Variants in KCNQ1 observed in about 807,000 individuals in gnomAD.
The protein encoded by KCNQ1 is potassium voltage-gated channel subfamily Q member 1.
Under a neutral mutation model 72.4 loss-of-function variants are expected in KCNQ1, and 49 were observed. The observed-to-expected ratio is 0.68, with a 90% CI of 0.54 to 0.86. The LOEUF is 0.86. Among genes scored for constraint, KCNQ1 ranks in the 40% least tolerant of loss-of-function variants. The pLI, the probability that KCNQ1 is intolerant of heterozygous loss-of-function variation, is 0.00. For synonymous variants in KCNQ1, 450 were observed against 412.6 expected, an observed-to-expected ratio of 1.09 and a Z score of -1.10; for missense variants, 790 against 945.1, an observed-to-expected ratio of 0.84 and a Z score of 2.15.
chr11:2,619,901 A>G lies in KCNQ1; in HGVS notation c.1393+31047A>G, dbSNP rs191008598. 144 of 398,168 alleles carry G rather than the reference A, an allele frequency of 3.6e-4. 1 individual carries two copies. The highest frequency in any genetic ancestry group is 2.8e-3 in the African/African-American group (137 of 48,602). The allele number at this position is 398,168 out of a possible 1,614,324, so 24.7% of individuals were successfully genotyped here. The stretch of plus-strand genomic sequence containing the variant: ...TTAGAGGGTATATGTACAGGTCTAT[A>G]TGTTGCATGGTATATGGAGTATACT... On this transcript the variant is annotated intron_variant, in intron 10 of 15. Transcript: ENST00000155840.
Position 2,783,331 on chromosome 11 carries a change from C to A in KCNQ1, c.1794+5294C>A, listed in dbSNP as rs1490213741. 6.6e-6 allele frequency among the ~76,000 whole-genome samples: 1 copy of A among 152,038 alleles called. No homozygotes were observed. The highest frequency in any genetic ancestry group is 1.5e-5 in the Non-Finnish European group (1 of 67,942). On this transcript the variant is annotated intron_variant, in intron 15 of 15. Transcript: ENST00000155840. This position sits in a 1 kb window ranked among gnomAD's most constrained non-coding sequence, Gnocchi z 5.2. ...GAAAGCAATCCATATGATATTAATC[C>A]TTTAGAATGTTTTGAAATATGATTT...
At position 2,661,421 on chromosome 11, in the gene KCNQ1, G is replaced by T. The variant is rs1305767647; in HGVS notation, c.1394-540G>T. ...GAGGGACTCCTGTGCCTCATTGGGG[G>T]TACAACTGGTTGATGTAGCATCGTG... On this transcript the variant is annotated intron_variant, in intron 10 of 15. Coordinates refer to ENST00000155840, the MANE Select transcript of KCNQ1 (RefSeq NM_000218.3). This position sits in a 1 kb window ranked among gnomAD's most constrained non-coding sequence, Gnocchi z 5.9. The T allele has an allele frequency of 4.7e-6, 2 of 422,462 alleles. No homozygotes were observed. Among genetic ancestry groups the T allele is most frequent in the African/African-American group, 2.0e-5 (1 of 49,282 alleles). 26.2% of individuals were successfully genotyped at this position (422,462 alleles called of 1,614,324 possible).
At chr11:2,755,626 T>C (rs1846287332) in intron 11 of KCNQ1, among the ~76,000 whole-genome samples, 2 of 152,228 alleles carry the variant, frequency 1.3e-5, no homozygotes, top group Non-Finnish European at 1.5e-5. Flanking sequence ...GATTTCCCCA[T>C]CTCAGTGTTC....
chr11:2,777,892 C>A, intron 14 of KCNQ1, 84 bp from the exon 15 acceptor site: 1 of 1,209,252 alleles, frequency 8.3e-7, no homozygotes, highest in Non-Finnish European at 1.2e-6. Context: ...TCCCCCAGCC[C>A]TACCACCCCA....
At chr11:2,819,937 A>G (rs1238004606) in intron 15 of KCNQ1, among the ~76,000 whole-genome samples, 1 of 152,218 alleles carries the variant, frequency 6.6e-6, no homozygotes, top group African/African-American at 2.4e-5. Context: ...CAATTATTCA[A>G]TTCCCTCGGT....
intron 10 of KCNQ1, chr11:2,614,830 C>A (rs964273310): frequency 2.0e-5 from 8 of 398,320 alleles, no homozygotes; most frequent in Non-Finnish European, 3.5e-5. Flanking sequence ...AGGCCTGAGT[C>A]TTCCAACTTT....
In KCNQ1 at chr11:2,566,504, T is replaced by C. The variant is rs1848250241; in HGVS notation, c.478-4124T>C. On this transcript the variant is annotated intron_variant, in intron 2 of 15. Coordinates refer to ENST00000155840, the MANE Select transcript of KCNQ1 (RefSeq NM_000218.3). The surrounding 1 kb of genome is among the most constrained non-coding windows in gnomAD (Gnocchi z 6.7). ...ATGTGAACAGAGGCCACCACCCCCA[T>C]TATGTGGGTCTGTGTTTGCTCTGTG... Among the ~76,000 whole-genome samples, 1 of 151,898 alleles carries C rather than the reference T, an allele frequency of 6.6e-6. No homozygotes were observed.
chr11:2,681,218 G>A, intron 11 of KCNQ1: 1 of 398,636 alleles, frequency 2.5e-6, no homozygotes, highest in Non-Finnish European at 4.4e-6. Context: ...TCTATGAAGA[G>A]TGGGTAGAAG....
At chr11:2,510,336 G>A (rs1377734095) in intron 1 of KCNQ1, among the ~76,000 whole-genome samples, 1 of 151,974 alleles carries the variant, frequency 6.6e-6, no homozygotes, top group Non-Finnish European at 1.5e-5. Context: ...GTTAGCTCAC[G>A]CCTGCAATCT....
Position 2,777,453 on chromosome 11 carries a change from G to C in KCNQ1, c.1732+421G>C, listed in dbSNP as rs965446203. On this transcript the variant is annotated intron_variant, in intron 14 of 15. Coordinates refer to ENST00000155840, the MANE Select transcript of KCNQ1 (RefSeq NM_000218.3). Reference sequence around the variant, plus strand: ...GGACAGAAGCACCTGGCTGCAGCCTGGGGGCTGGTTTTCTGGCTCCTTGAC... The same window carrying C: ...GGACAGAAGCACCTGGCTGCAGCCTCGGGGCTGGTTTTCTGGCTCCTTGAC... 3 of 529,146 alleles carry C rather than the reference G, an allele frequency of 5.7e-6. No homozygotes were observed. In the African/African-American group the frequency reaches 5.7e-5, roughly 10 times the overall value. The allele number at this position is 529,146 out of a possible 1,614,324, so 32.8% of individuals were successfully genotyped here.
At chr11:2,455,057 A>C (rs1384152215) in intron 1 of KCNQ1, among the ~76,000 whole-genome samples, 1 of 152,150 alleles carries the variant, frequency 6.6e-6, no homozygotes, top group Non-Finnish European at 1.5e-5. Context: ...TGGAACTGTA[A>C]GTGAAGTCTC....
In KCNQ1 at chr11:2,828,916, C is replaced by T. The variant is rs139503425; in HGVS notation, c.1795-18851C>T. 3.2e-4 allele frequency among the ~76,000 whole-genome samples: 49 copies of T among 152,284 alleles called. No individual in the cohort carries two copies. The East Asian group carries it at 5.6e-3, about 17-fold the overall frequency. ...CACACAAGAGAATAGAAAATCAAAACGGTATCCAATTTCTTAACAGCAATT... is the reference window on the plus strand; with the variant it reads ...CACACAAGAGAATAGAAAATCAAAATGGTATCCAATTTCTTAACAGCAATT... On this transcript the variant is annotated intron_variant, in intron 15 of 15. Transcript: ENST00000155840. The surrounding 1 kb of genome is among the most constrained non-coding windows in gnomAD (Gnocchi z 5.3).
At chr11:2,609,782 A>C (rs966369306) in intron 10 of KCNQ1, 3 of 390,852 alleles carry the variant, frequency 7.7e-6, no homozygotes, top group African/African-American at 6.6e-5. Flanking sequence ...ATTCATATTT[A>C]ACTTCAGTAA....
Position 2,848,484 on chromosome 11 carries a change from C to A in KCNQ1, c.*481C>A, listed in dbSNP as rs754424379. 2.2e-6 allele frequency: 1 copy of A among 457,674 alleles called. No homozygotes were observed. The highest frequency in any genetic ancestry group is 4.4e-6 in the Non-Finnish European group (1 of 229,236). 28.4% of individuals were successfully genotyped at this position (457,674 alleles called of 1,614,324 possible). A position where few individuals can be genotyped will look rare whatever the true frequency, so the allele number is the denominator to read the frequency against. ...CAGCCCACGCTGACTACAGGGCCGC[C>A]GGCAATAAAAGCCCAGGAGCCCATT... On this transcript the variant is annotated 3_prime_UTR_variant, in exon 16 of 16. Coordinates refer to ENST00000155840, the MANE Select transcript of KCNQ1 (RefSeq NM_000218.3).
intron 15 of KCNQ1, among the ~76,000 whole-genome samples, chr11:2,802,511 C>T (rs1220206399): frequency 6.6e-6 from 1 of 152,228 alleles, no homozygotes; most frequent in Non-Finnish European, 1.5e-5. Flanking sequence ...GGCCTTGGCT[C>T]AGTGCCCTCT....
intron 10 of KCNQ1, among the ~76,000 whole-genome samples, chr11:2,591,479 T>C (rs1848669433): frequency 6.6e-6 from 1 of 152,240 alleles, no homozygotes; most frequent in Admixed American, 6.5e-5. Flanking sequence ...CAATGCCCAG[T>C]GCCCCCACAG....
In KCNQ1 at chr11:2,808,830, GA is replaced by G. The variant is rs763909035; in HGVS notation, c.1794+30794del. On this transcript the variant is annotated intron_variant, in intron 15 of 15. Coordinates refer to ENST00000155840, the MANE Select transcript of KCNQ1 (RefSeq NM_000218.3). The surrounding 1 kb of genome is among the most constrained non-coding windows in gnomAD (Gnocchi z 6.0). ...AGATACATGGGCAGATTAATGGATG[GA>G]CAGATTGTTGTATGGAGGATTAGGG... Among the ~76,000 whole-genome samples, 7 of 152,158 alleles carry G rather than the reference GA, an allele frequency of 4.6e-5. No individual in the cohort carries two copies. The highest frequency in any genetic ancestry group is 8.8e-5 in the Non-Finnish European group (6 of 68,026).
chr11:2,526,965 G>A lies in KCNQ1; in HGVS notation c.387-963G>A, dbSNP rs1847520633. Reference sequence around the variant, plus strand: ...GCCATCTCCTGGCTCTCCGGTCGCTGAGGATCCACGGGGGTCCCTGGAGTC... The same window carrying A: ...GCCATCTCCTGGCTCTCCGGTCGCTAAGGATCCACGGGGGTCCCTGGAGTC... On this transcript the variant is annotated intron_variant, in intron 1 of 15. Transcript: ENST00000155840. The surrounding 1 kb of genome is among the most constrained non-coding windows in gnomAD (Gnocchi z 6.1). 6.6e-6 allele frequency among the ~76,000 whole-genome samples: 1 copy of A among 152,118 alleles called. No homozygotes were observed. The highest frequency in any genetic ancestry group is 1.5e-5 in the Non-Finnish European group (1 of 67,992).
Position 2,668,123 on chromosome 11 carries a change from C to T in KCNQ1, c.1514+6042C>T, listed in dbSNP as rs1178560777. On this transcript the variant is annotated intron_variant, in intron 11 of 15. Coordinates refer to ENST00000155840, the MANE Select transcript of KCNQ1 (RefSeq NM_000218.3). The surrounding 1 kb of genome is among the most constrained non-coding windows in gnomAD (Gnocchi z 4.3). Reference sequence around the variant, plus strand: ...GTCCCTCACTCAATTTGATGTCTGGCAGCCTCTCTATGGGGCTGAAGGGAG... The same window carrying T: ...GTCCCTCACTCAATTTGATGTCTGGTAGCCTCTCTATGGGGCTGAAGGGAG... 1 of 398,516 alleles carries T rather than the reference C, an allele frequency of 2.5e-6. No homozygotes were observed. Among genetic ancestry groups the T allele is most frequent in the Non-Finnish European group, 4.4e-6 (1 of 226,078 alleles). 24.7% of individuals were successfully genotyped at this position (398,516 alleles called of 1,614,324 possible).
Sources: allele counts gnomAD v4.1 joint callset (sites outside exome capture counted in the v4.1 genomes callset), GRCh38; gene constraint gnomAD v4.1.1; non-coding constraint Gnocchi (gnomAD v3.1); transcripts MANE v1.5; gene names NCBI Gene and HGNC (gene_info 2026-07-23, HGNC 2026-07-21).